Variants in SAMMSON observed in about 807,000 individuals in gnomAD.
SAMMSON encodes the protein long intergenic non-protein coding RNA 1212.
At chr3:70,235,860 G>A (rs939666976) in intron 4 of SAMMSON, among the ~76,000 whole-genome samples, 11 of 152,126 alleles carry the variant, frequency 7.2e-5, no homozygotes, top group Non-Finnish European at 1.6e-4. Flanking sequence ...AAATGCCACA[G>A]CAAAGACAAT....
chr3:70,069,320 C>T (rs758951403), intron 3 of SAMMSON: 1 of 152,012 alleles, frequency 6.6e-6, no homozygotes, highest in Non-Finnish European at 1.5e-5. Context: ...TTCACAAATG[C>T]TTATGGAGCA....
intron 4 of SAMMSON, chr3:70,172,814 A>G (rs906781865): frequency 6.6e-6 from 1 of 152,020 alleles, no homozygotes; most frequent in Non-Finnish European, 1.5e-5. Flanking sequence ...CCTATGCTGA[A>G]CAAAATCTGA....
At chr3:70,303,484 A>C (rs1480070822) in intron 7 of SAMMSON, among the ~76,000 whole-genome samples, 2 of 152,152 alleles carry the variant, frequency 1.3e-5, no homozygotes, top group Non-Finnish European at 2.9e-5. Flanking sequence ...GGCTCACCAG[A>C]ACTAGATTAG....
At chr3:70,222,846 G>C (rs1373296033) in intron 4 of SAMMSON, among the ~76,000 whole-genome samples, 2 of 152,158 alleles carry the variant, frequency 1.3e-5, no homozygotes, top group Non-Finnish European at 2.9e-5. Flanking sequence ...TACTGCTGAT[G>C]TTTTAAAGGA....
At chr3:70,131,259 A>C (rs2067481365) in intron 4 of SAMMSON, among the ~76,000 whole-genome samples, 1 of 152,204 alleles carries the variant, frequency 6.6e-6, no homozygotes, top group Admixed American at 6.5e-5. Flanking sequence ...GCATTATTTT[A>C]GTCTAAAAGC....
At chr3:70,160,383 T>C (rs2067610078) in intron 4 of SAMMSON, among the ~76,000 whole-genome samples, 1 of 140,896 alleles carries the variant, frequency 7.1e-6, no homozygotes, top group Non-Finnish European at 1.6e-5. Flanking sequence ...CCCTTCCTTC[T>C]TTCTTTGCAG....
At chr3:70,238,445 A>AAAAT (rs907509726) in intron 4 of SAMMSON, among the ~76,000 whole-genome samples, 1 of 151,928 alleles carries the variant, frequency 6.6e-6, no homozygotes, top group Non-Finnish European at 1.5e-5. Flanking sequence ...CCATCTCTAC[A>AAAAT]AAATAAATAA....
At chr3:70,074,159 C>A (rs191078757) in intron 4 of SAMMSON, among the ~76,000 whole-genome samples, 4 of 151,874 alleles carry the variant, frequency 2.6e-5, no homozygotes, top group African/African-American at 4.8e-5. Flanking sequence ...TTTGGAATTA[C>A]GTAATTCTTA....
At chr3:70,296,765 C>T (rs918074075) in intron 7 of SAMMSON, among the ~76,000 whole-genome samples, 5 of 152,016 alleles carry the variant, frequency 3.3e-5, no homozygotes, top group East Asian at 3.9e-4. Context: ...ACTATAAGCC[C>T]GACTATCAGC....
chr3:70,137,520 A>G (rs903979894), intron 4 of SAMMSON: 1 of 152,172 alleles, frequency 6.6e-6, no homozygotes, highest in Non-Finnish European at 1.5e-5. Context: ...TTTTTTACAT[A>G]TTGTCTCAAC....
chr3:70,092,990 C>T (rs1226406553), intron 4 of SAMMSON, among the ~76,000 whole-genome samples: 2 of 149,966 alleles, frequency 1.3e-5, no homozygotes, highest in African/African-American at 4.9e-5. Flanking sequence ...TCAGGGGGCT[C>T]TCCTGGGATG....
intron 1 of SAMMSON, among the ~76,000 whole-genome samples, chr3:70,011,579 A>T (rs2066955976): frequency 6.6e-6 from 1 of 151,350 alleles, no homozygotes; most frequent in African/African-American, 2.4e-5. Context: ...CCATAATTGT[A>T]TGTGAGACTG....
At chr3:70,420,473 C>T (rs114282309) in intron 2 of SAMMSON, among the ~76,000 whole-genome samples, 1,614 of 152,288 alleles carry the variant, frequency 0.011, 22 homozygotes, top group African/African-American at 0.037. Context: ...GAACCACTAT[C>T]ATCATAAAAT....
rs567782119 is a variant in SAMMSON, at chr3:70,195,145, T to C, written n.508-53962T>C. On this transcript the variant is annotated intron_variant and non_coding_transcript_variant, in intron 4 of 9. Transcript: ENST00000642114. ...AATAAGTCAGTTCATGGGGCCTCTC[T>C]TTTCCCCTGTGAAATATAAAAAGGT... 2.0e-5 allele frequency among the ~76,000 whole-genome samples: 3 copies of C among 152,304 alleles called. 1 individual carries two copies. The South Asian group carries it at 6.2e-4, about 32-fold the overall frequency.
chr3:70,265,989 A>G (rs1701913476), intron 6 of SAMMSON, among the ~76,000 whole-genome samples: 1 of 152,192 alleles, frequency 6.6e-6, no homozygotes, highest in Non-Finnish European at 1.5e-5. Flanking sequence ...ACAATTCAAC[A>G]TGAGATTTAG....
chr3:70,187,596 C>T (rs1441945612), intron 4 of SAMMSON, among the ~76,000 whole-genome samples: 1 of 151,672 alleles, frequency 6.6e-6, no homozygotes, highest in Non-Finnish European at 1.5e-5. Context: ...CGCCACCATG[C>T]CCGGCTAATT....
chr3:70,209,745 G>A (rs1701325048), intron 4 of SAMMSON, among the ~76,000 whole-genome samples: 1 of 151,990 alleles, frequency 6.6e-6, no homozygotes, highest in East Asian at 1.9e-4. Flanking sequence ...TGCTGAGACT[G>A]CACATCAGCA....
rs1296696045 is a variant in SAMMSON at position 70,213,987 on chromosome 3, G to GA, written n.508-35114dup. On this transcript the variant is annotated intron_variant and non_coding_transcript_variant, in intron 4 of 9. Coordinates refer to ENST00000642114, the Ensembl canonical transcript of SAMMSON. ...ATACCCAAAGAAGCTATGTTTTCAA[G>GA]AAAAAATATATTTTCTTCTTTGAAA... Among the ~76,000 whole-genome samples, 7 of 151,996 alleles carry GA rather than the reference G, an allele frequency of 4.6e-5. No homozygotes were observed. The East Asian group carries it at 1.4e-3, about 29-fold the overall frequency.
At chr3:70,144,913 G>T (rs183929149) in intron 4 of SAMMSON, among the ~76,000 whole-genome samples, 2 of 152,172 alleles carry the variant, frequency 1.3e-5, no homozygotes, top group Non-Finnish European at 2.9e-5. Context: ...GCCCAATCTC[G>T]GGTATGTCTT....
Sources: allele counts gnomAD v4.1 joint callset (sites outside exome capture counted in the v4.1 genomes callset), GRCh38; gene constraint gnomAD v4.1.1; transcripts MANE v1.5; gene names NCBI Gene and HGNC (gene_info 2026-07-23, HGNC 2026-07-21).